Variants in FAM234A observed in about 807,000 individuals in gnomAD.
FAM234A encodes the protein protein FAM234A.
FAM234A carries 42 observed loss-of-function variants against 49.1 expected under a neutral mutation model. That is an observed-to-expected ratio of 0.86 (90% CI 0.67 to 1.11). The LOEUF (loss-of-function observed/expected upper bound fraction) is 1.11, where lower values mean the gene tolerates loss of function less well. Ranked by LOEUF, FAM234A falls within the 50% of genes least tolerant of loss-of-function variation. The probability of loss-of-function intolerance (pLI) is 0.00; values close to 1 mark genes in which losing one functional copy is unlikely to be tolerated. For missense variants in FAM234A, 815 were observed against 745.2 expected (o/e 1.09, Z -1.09); for synonymous variants, 369 against 316.2 (o/e 1.17, Z -1.77).
intron 1 of FAM234A, among the ~76,000 whole-genome samples, chr16:246,107 C>A (rs2050792598): frequency 6.6e-6 from 1 of 151,126 alleles, no homozygotes; most frequent in Non-Finnish European, 1.5e-5. Flanking sequence ...CCCAGCCACT[C>A]AGGAGGCTGA....
intron 2 of FAM234A, among the ~76,000 whole-genome samples, chr16:251,999 T>C (rs1596795510): frequency 8.4e-6 from 1 of 118,942 alleles, no homozygotes; most frequent in Non-Finnish European, 1.7e-5. Flanking sequence ...TGAGACTCCG[T>C]CTCAAAAAAA....
At position 263,740 on chromosome 16, in the gene FAM234A, G is replaced by A; in HGVS notation, c.1153G>A (p.Val385Ile). ...CCGCTACAAACCAGACACCTTGGCT[G>A]TAGCCGTTGAAAACGGAACTGGCAC... Reference protein sequence around the residue: ...FGRYKPDTLAVAVENGTGTDR... With the variant: ...FGRYKPDTLAIAVENGTGTDR... Residue 385 changes from valine to isoleucine, a missense_variant, in exon 10 of 13, where the codon GTA (valine) becomes ATA (isoleucine). Transcript: ENST00000399932. 1 of 1,614,086 alleles carries A rather than the reference G, an allele frequency of 6.2e-7. No homozygotes were observed.
downstream of FAM234A, chr16:269,766 G>T (rs1388994273): frequency 1.7e-5 from 10 of 576,694 alleles, no homozygotes; most frequent in Non-Finnish European, 3.1e-5. Flanking sequence ...GGAGACCTGG[G>T]CTCCCGTCTG....
rs1396216967 is a variant in FAM234A at position 265,939 on chromosome 16, TCTGTG to T, written c.*919_*923del. 1.0e-6 allele frequency: 1 copy of T among 985,908 alleles called. No homozygotes were observed. Among genetic ancestry groups the T allele is most frequent in the Non-Finnish European group, 1.2e-6 (1 of 830,124 alleles). The allele number at this position is 985,908 out of a possible 1,614,324, so 61.1% of individuals were successfully genotyped here. On this transcript the variant is annotated 3_prime_UTR_variant, in exon 13 of 13. Coordinates refer to ENST00000399932, the MANE Select transcript of FAM234A (RefSeq NM_032039.4). Reference sequence around the variant, plus strand: ...CGTGCCACCCGATGCAGGACTCACCTCTGTGCCTTGCTGCTCCTGAGGCCCAAGGG... The same window carrying T: ...CGTGCCACCCGATGCAGGACTCACCTCCTTGCTGCTCCTGAGGCCCAAGGG...
Position 254,669 on chromosome 16 carries a change from T to A in FAM234A, c.256T>A (p.Tyr86Asn). The A allele has an allele frequency of 6.2e-7, 1 of 1,613,452 alleles. No homozygotes were observed. Among genetic ancestry groups the A allele is most frequent in the East Asian group, 2.2e-5 (1 of 44,868 alleles). The stretch of plus-strand genomic sequence containing the variant: ...GTCACAGCGAATGTGGAGGATAGAC[T>A]ACAGTGCCGCTGGTGAGCCTCGGCT... ...PASQRMWRIDYSAAVIYDFLA... is the reference protein window; with the variant it reads ...PASQRMWRIDNSAAVIYDFLA... Residue 86 changes from tyrosine (Y) to asparagine (N), a missense_variant, in exon 3 of 13, where the codon TAC (tyrosine) becomes AAC (asparagine). Physicochemically the swap from Tyr to Asn is moderately radical, Grantham distance 143. Coordinates refer to ENST00000399932, the MANE Select transcript of FAM234A (RefSeq NM_032039.4).
chr16:240,799 G>A (rs1276383459), intron 1 of FAM234A, among the ~76,000 whole-genome samples: 1 of 152,154 alleles, frequency 6.6e-6, no homozygotes, highest in Non-Finnish European at 1.5e-5. Context: ...ACCACACCCA[G>A]CTGGGCTTAT....
intron 11 of FAM234A, among the ~76,000 whole-genome samples, 154 bp downstream of exon 11, chr16:264,325 G>A (rs2051606709): frequency 6.6e-6 from 1 of 152,240 alleles, no homozygotes; most frequent in Non-Finnish European, 1.5e-5. Flanking sequence ...GGTGCAAGCT[G>A]AGGCAAAGTG....
At chr16:243,603 G>C (rs556498456) in intron 1 of FAM234A, among the ~76,000 whole-genome samples, 1 of 152,300 alleles carries the variant, frequency 6.6e-6, no homozygotes, top group African/African-American at 2.4e-5. Context: ...GCCTGGCTTT[G>C]GCTGCCTTGC....
intron 4 of FAM234A, among the ~76,000 whole-genome samples, 182 bp downstream of exon 4, chr16:259,781 C>T (rs773358680): frequency 2.6e-5 from 4 of 152,170 alleles, no homozygotes; most frequent in Non-Finnish European, 4.4e-5. Flanking sequence ...ACTGCCCTGG[C>T]CCCTGAGCCC....
rs563568001 is a variant in FAM234A at position 263,754 on chromosome 16, C to G, written c.1167C>G (p.Asn389Lys). The G allele has an allele frequency of 1.9e-6, 3 of 1,613,884 alleles. 1 individual carries two copies. The African/African-American group carries it at 4.0e-5, about 22-fold the overall frequency. The change falls in exon 10 of 13, where the codon AAC becomes AAG. Residue 389 changes from asparagine to lysine, a missense_variant. Coordinates refer to ENST00000399932, the MANE Select transcript of FAM234A (RefSeq NM_032039.4). Reference protein sequence around the residue: ...KPDTLAVAVENGTGTDRQILF... With the variant: ...KPDTLAVAVEKGTGTDRQILF... ...ACACCTTGGCTGTAGCCGTTGAAAACGGAACTGGCACCGACAGACAGGTTC... is the reference window on the plus strand; with the variant it reads ...ACACCTTGGCTGTAGCCGTTGAAAAGGGAACTGGCACCGACAGACAGGTTC...
chr16:246,283 ATT>A (rs548011880), intron 1 of FAM234A, among the ~76,000 whole-genome samples: 5 of 136,602 alleles, frequency 3.7e-5, no homozygotes, highest in Admixed American at 1.5e-4. Flanking sequence ...TGATTGGTGG[ATT>A]TTTTTTTTTT....
chr16:240,446 G>C (rs970850804), intron 1 of FAM234A, among the ~76,000 whole-genome samples: 4 of 151,908 alleles, frequency 2.6e-5, no homozygotes, highest in African/African-American at 4.8e-5. Flanking sequence ...GGTTAACCAG[G>C]GTCAGTGGGG....
rs1431248849 is a variant in FAM234A, at chr16:238,557, G to C, written c.-140+3700G>C. Reference sequence around the variant, plus strand: ...CAAGGGGGGCAGATCATGAGGTCAGGAGATCGAGACCATCCTGGCTAACAC... The same window carrying C: ...CAAGGGGGGCAGATCATGAGGTCAGCAGATCGAGACCATCCTGGCTAACAC... On this transcript the variant is annotated intron_variant, in intron 1 of 12. Transcript: ENST00000399932. 2.1e-4 allele frequency among the ~76,000 whole-genome samples: 32 copies of C among 152,126 alleles called. No homozygotes were observed. In the South Asian group the frequency reaches 6.2e-3, roughly 30 times the overall value.
chr16:266,165 T>C (rs1274962922), downstream of FAM234A: 19 of 905,196 alleles, frequency 2.1e-5, no homozygotes, highest in Non-Finnish European at 2.4e-5. Context: ...AGTAGTCAAA[T>C]GGATTTGTTC....
chr16:248,855 A>C (rs1472647972), intron 1 of FAM234A, among the ~76,000 whole-genome samples: 1 of 151,906 alleles, frequency 6.6e-6, no homozygotes, highest in Non-Finnish European at 1.5e-5. Context: ...TCCTAGGCTC[A>C]AGCGACCCAC....
intron 9 of FAM234A, 68 bp downstream of exon 9, chr16:263,470 G>T (rs1302368084): frequency 1.3e-6 from 2 of 1,582,078 alleles, no homozygotes; most frequent in African/African-American, 1.3e-5. Flanking sequence ...ACATCCCGTT[G>T]GCTGGCGAGG....
At chr16:264,464 G>C in intron 11 of FAM234A, 150 bp from the exon 12 acceptor site, 1 of 696,354 alleles carries the variant, frequency 1.4e-6, no homozygotes, top group Non-Finnish European at 2.4e-6. Flanking sequence ...GAGGACCTGG[G>C]AGGTGGCCAC....
intron 1 of FAM234A, among the ~76,000 whole-genome samples, chr16:243,438 C>G (rs879915124): frequency 2.0e-5 from 3 of 152,122 alleles, no homozygotes; most frequent in Non-Finnish European, 2.9e-5. Context: ...TGGGGATTTT[C>G]TCTGCCAGTC....
chr16:257,060 G>A (rs1596817623), intron 3 of FAM234A, among the ~76,000 whole-genome samples: 1 of 151,730 alleles, frequency 6.6e-6, no homozygotes, highest in African/African-American at 2.4e-5. Context: ...TGTATTTTTA[G>A]TAGATGCGAG....
Sources: gnomAD v4.1 joint callset for allele counts (sites outside exome capture counted in the v4.1 genomes callset) on GRCh38, gnomAD v4.1.1 for gene constraint, MANE v1.5 for transcripts, NCBI Gene and HGNC (gene_info 2026-07-23, HGNC 2026-07-21) for gene names.